The following CORIN variants were observed in gnomAD, a reference collection of about 807,000 sequenced individuals.
CORIN encodes atrial natriuretic peptide-converting enzyme.
CORIN carries 117 observed loss-of-function variants against 125.3 expected under a neutral mutation model. That is an observed-to-expected ratio of 0.93 (90% CI 0.80 to 1.09). CORIN has a LOEUF of 1.09. Ranked by LOEUF, CORIN falls within the 50% of genes least tolerant of loss-of-function variation. The pLI is 0.00. For synonymous variants in CORIN, 450 were observed against 466.4 expected, an observed-to-expected ratio of 0.96 and a Z score of 0.45; for missense variants, 1,253 against 1,306.7, an observed-to-expected ratio of 0.96 and a Z score of 0.63.
In CORIN at chr4:47,595,439, T is replaced by G; in HGVS notation, c.*282A>C. On this transcript the variant is annotated 3_prime_UTR_variant, in exon 22 of 22. Coordinates refer to ENST00000273857, the MANE Select transcript of CORIN (RefSeq NM_006587.4). ...TGATTTTAAATCTCGCCAGAGTCGA[T>G]AATTTTGTGCTGCAGTCATGGTTAG... The G allele has an allele frequency of 3.6e-4, 77 of 214,556 alleles. No homozygotes were observed. The highest frequency in any genetic ancestry group is 7.2e-4 in the East Asian group (7 of 9,744). The allele number at this position is 214,556 out of a possible 1,614,324, so 13.3% of individuals were successfully genotyped here. A position where few individuals can be genotyped will look rare whatever the true frequency, so the allele number is the denominator to read the frequency against.
chr4:47,615,253 T>C (rs937331390), intron 19 of CORIN, among the ~76,000 whole-genome samples: 2 of 152,174 alleles, frequency 1.3e-5, no homozygotes, highest in Non-Finnish European at 2.9e-5. Context: ...GAAAAGATTT[T>C]ATTCTTGTTA....
At chr4:47,766,475 T>C (rs1385732331) in intron 3 of CORIN, among the ~76,000 whole-genome samples, 1 of 152,128 alleles carries the variant, frequency 6.6e-6, no homozygotes, top group African/African-American at 2.4e-5. Context: ...TTATCCAGAA[T>C]GTCGTCACAT....
At chr4:47,727,003 A>C (rs1727621911) in intron 5 of CORIN, among the ~76,000 whole-genome samples, 1 of 152,054 alleles carries the variant, frequency 6.6e-6, no homozygotes, top group Non-Finnish European at 1.5e-5. Flanking sequence ...AGTAATAAAC[A>C]GATATTTGAT....
rs373319085 is a variant in CORIN at position 47,692,967 on chromosome 4, T to C, written c.913+3A>G. The C allele has an allele frequency of 1.1e-4, 177 of 1,606,142 alleles. No individual in the cohort carries two copies. Among genetic ancestry groups the C allele is most frequent in the Non-Finnish European group, 1.5e-4 (174 of 1,172,916 alleles). On this transcript the variant is annotated splice_donor_region_variant and intron_variant, in intron 6 of 21. Transcript: ENST00000273857. ...GACAAACCCTAAACAGCTTGTCACA[T>C]ACTGCAATGAGCCTCGTCACTCCAG...
intron 6 of CORIN, among the ~76,000 whole-genome samples, chr4:47,691,112 A>G (rs1242938131): frequency 3.3e-5 from 5 of 152,216 alleles, no homozygotes; most frequent in African/African-American, 9.6e-5. Context: ...TTCAAATTTA[A>G]TGTTAACAAA....
intron 1 of CORIN, among the ~76,000 whole-genome samples, chr4:47,833,774 G>A (rs1030538259): frequency 1.9e-4 from 29 of 152,048 alleles, no homozygotes; most frequent in African/African-American, 6.5e-4. Context: ...CTCCAAAGAA[G>A]ACATAAAAAT....
Position 47,708,129 on chromosome 4 carries a change from C to T in CORIN, c.800-15046G>A, listed in dbSNP as rs181941034. The stretch of plus-strand genomic sequence containing the variant: ...CTGTTAATATCAATGCTCAAGAGGG[C>T]CGTATTAGTTTCCTATTGCTGCCAT... On this transcript the variant is annotated intron_variant, in intron 5 of 21. Transcript: ENST00000273857. Among the ~76,000 whole-genome samples, 3 of 152,242 alleles carry T rather than the reference C, an allele frequency of 2.0e-5. No homozygotes were observed. In the East Asian group the frequency reaches 5.8e-4, roughly 29 times the overall value.
intron 2 of CORIN, among the ~76,000 whole-genome samples, chr4:47,793,369 T>A (rs1731161283): frequency 6.6e-6 from 1 of 152,162 alleles, no homozygotes; most frequent in Non-Finnish European, 1.5e-5. Flanking sequence ...GGTATCAGTG[T>A]AAAGTGAGAA....
chr4:47,686,527 G>T (rs1048836375), intron 6 of CORIN, among the ~76,000 whole-genome samples: 1 of 152,188 alleles, frequency 6.6e-6, no homozygotes, highest in African/African-American at 2.4e-5. Context: ...CAACACATGT[G>T]ACAGCTGAGT....
intron 21 of CORIN, among the ~76,000 whole-genome samples, chr4:47,597,130 T>C (rs895106439): frequency 1.3e-5 from 2 of 152,138 alleles, no homozygotes; most frequent in Admixed American, 6.5e-5. Flanking sequence ...GGCAGGCAGA[T>C]GACTTGAGGT....
intron 5 of CORIN, among the ~76,000 whole-genome samples, chr4:47,717,319 C>T (rs1376389842): frequency 6.6e-6 from 1 of 152,140 alleles, no homozygotes; most frequent in Non-Finnish European, 1.5e-5. Flanking sequence ...GTCACCCCTG[C>T]CCCCACTGTG....
Position 47,623,734 on chromosome 4 carries a change from G to A in CORIN, c.2377C>T (p.Arg793Cys), listed in dbSNP as rs375618006. 95 of 1,614,038 alleles carry A rather than the reference G, an allele frequency of 5.9e-5. No individual in the cohort carries two copies. Among genetic ancestry groups the A allele is most frequent in the African/African-American group, 2.4e-4 (18 of 74,916 alleles). ...LLCTKQDCGR[R>C]PAARMNKRIL... is the part of the protein sequence containing the mutation. ...CTTTTGTTCATTCGGGCAGCAGGGC[G>A]GCGCCCACAGTCTACCAAGGAGCAG... Residue 793 changes from arginine to cysteine, a missense_variant, in exon 19 of 22, where the codon CGC becomes TGC. Physicochemically the swap from Arg to Cys is radical, Grantham distance 180. Coordinates refer to ENST00000273857, the MANE Select transcript of CORIN (RefSeq NM_006587.4).
Position 47,806,971 on chromosome 4 carries a change from A to G in CORIN, c.140T>C (p.Leu47Pro), listed in dbSNP as rs1363733110. 6.2e-7 allele frequency: 1 copy of G among 1,613,826 alleles called. No homozygotes were observed. Among genetic ancestry groups the G allele is most frequent in the African/African-American group, 1.3e-5 (1 of 74,930 alleles). The change falls in exon 2 of 22, where the codon CTA becomes CCA. Residue 47 changes from leucine (L) to proline (P), a missense_variant. Coordinates refer to ENST00000273857, the MANE Select transcript of CORIN (RefSeq NM_006587.4). ...GATACATGGAATCAGGACCAGCAATAGGAACCGGAGGAGGTTAGCAGTCGC... is the reference window on the plus strand; with the variant it reads ...GATACATGGAATCAGGACCAGCAATGGGAACCGGAGGAGGTTAGCAGTCGC... ...KLATANLLRF[L>P]LLVLIPCICA...
At chr4:47,614,193 TTTG>T (rs1560472890) in intron 19 of CORIN, among the ~76,000 whole-genome samples, 1 of 151,916 alleles carries the variant, frequency 6.6e-6, no homozygotes, top group African/African-American at 2.4e-5. Context: ...AATTTCTTTT[TTTG>T]TTGTTGTTGT....
At chr4:47,823,334 G>T (rs1732602424) in intron 1 of CORIN, among the ~76,000 whole-genome samples, 1 of 152,074 alleles carries the variant, frequency 6.6e-6, no homozygotes, top group African/African-American at 2.4e-5. Context: ...GAATTCATCT[G>T]CTACTAGCCT....
chr4:47,683,830 C>A lies in CORIN; in HGVS notation c.922G>T (p.Glu308Ter). The change falls in exon 7 of 22, where the codon GAG (glutamate) becomes TAG (stop). Residue 308 changes from glutamate (E) to a stop codon, truncating the protein, a stop_gained. Coordinates refer to ENST00000273857, the MANE Select transcript of CORIN (RefSeq NM_006587.4). LOFTEE classifies it high-confidence loss of function. Reference sequence around the variant, plus strand: ...CCTGTGTGACAGTGAAACAGATTCTCGCTGCAGTCTGCAAATAAAAGAAGC... The same window carrying A: ...CCTGTGTGACAGTGAAACAGATTCTAGCTGCAGTCTGCAAATAAAAGAAGC... ...WSDEAHCNCS[E>*]NLFHCHTGKC... 1.2e-6 allele frequency: 2 copies of A among 1,610,822 alleles called. No individual in the cohort carries two copies. Among genetic ancestry groups the A allele is most frequent in the Admixed American group, 1.7e-5 (1 of 59,540 alleles).
intron 2 of CORIN, among the ~76,000 whole-genome samples, chr4:47,805,805 A>G (rs1196493136): frequency 6.6e-6 from 1 of 152,238 alleles, no homozygotes; most frequent in Non-Finnish European, 1.5e-5. Context: ...TCTATAAACC[A>G]GTAAGAAAAT....
chr4:47,787,718 C>T (rs1225124002), intron 2 of CORIN, among the ~76,000 whole-genome samples: 1 of 152,210 alleles, frequency 6.6e-6, no homozygotes, highest in African/African-American at 2.4e-5. Flanking sequence ...CACCCATGCA[C>T]CATGCAAAGT....
chr4:47,632,767 A>AT (rs60752930), intron 16 of CORIN, among the ~76,000 whole-genome samples: 67 of 62,698 alleles, frequency 1.1e-3, no homozygotes, highest in Admixed American at 4.6e-3. Flanking sequence ...AGATAGATAG[A>AT]GATAGATAGT....
Sources: allele counts gnomAD v4.1 joint callset (sites outside exome capture counted in the v4.1 genomes callset), GRCh38; gene constraint gnomAD v4.1.1; transcripts MANE v1.5; gene names NCBI Gene and HGNC (gene_info 2026-07-23, HGNC 2026-07-21).